Variants in IL1RAPL1 observed in about 807,000 individuals in gnomAD.
IL1RAPL1 encodes interleukin-1 receptor accessory protein-like 1.
IL1RAPL1 carries 3 observed loss-of-function variants against 48.4 expected under a neutral mutation model. That is an observed-to-expected ratio of 0.06 (90% CI 0.03 to 0.16). The LOEUF is 0.16. IL1RAPL1 is among the 10% of genes least tolerant of loss of function. The probability of loss-of-function intolerance (pLI) is 1.00; values close to 1 mark genes in which losing one functional copy is unlikely to be tolerated. For missense variants in IL1RAPL1, 349 were observed against 530.6 expected, an observed-to-expected ratio of 0.66 and a Z score of 3.36; for synonymous variants, 185 against 187.7, an observed-to-expected ratio of 0.99 and a Z score of 0.12.
chrX:29,373,492 T>C (rs1032229404), intron 3 of IL1RAPL1, among the ~76,000 whole-genome samples: 3 of 111,656 alleles, frequency 2.7e-5, no homozygotes, highest in Non-Finnish European at 5.6e-5. Context: ...CTTGTCTTGT[T>C]ACAGTTTCGT....
chrX:29,045,334 G>A (rs1926931272), intron 2 of IL1RAPL1, among the ~76,000 whole-genome samples: 1 of 112,242 alleles, frequency 8.9e-6, no homozygotes, highest in Non-Finnish European at 1.9e-5. Context: ...CCAAAATATG[G>A]TAACTAAATG....
intron 5 of IL1RAPL1, among the ~76,000 whole-genome samples, chrX:29,504,127 G>A (rs915974044): frequency 2.0e-4 from 22 of 110,044 alleles, no homozygotes; most frequent in African/African-American, 6.3e-4. Context: ...GAATTTTTAC[G>A]TGCTTGTGTA....
At chrX:29,425,641 A>G (rs1293558382) in intron 5 of IL1RAPL1, among the ~76,000 whole-genome samples, 1 of 111,292 alleles carries the variant, frequency 9.0e-6, no homozygotes, top group Non-Finnish European at 1.9e-5. Flanking sequence ...GTGCAGTGGC[A>G]TGATTACGGC....
At chrX:29,074,726 A>G (rs1927634434) in intron 2 of IL1RAPL1, among the ~76,000 whole-genome samples, 1 of 112,246 alleles carries the variant, frequency 8.9e-6, no homozygotes, top group Non-Finnish European at 1.9e-5. Flanking sequence ...AACATTACTA[A>G]GTCTGCAGTT....
chrX:29,817,890 A>T lies in IL1RAPL1; in HGVS notation c.779-99574A>T, dbSNP rs188744011. ...ATGGCTTACAGCAGTCCCAGGCATC[A>T]TATCTATATCCAGGAGACAAAGGTA... On this transcript the variant is annotated intron_variant, in intron 6 of 10. Transcript: ENST00000378993. Among the ~76,000 whole-genome samples the T allele has an allele frequency of 4.9e-3, 553 of 111,845 alleles. 2 individuals carry two copies. The highest frequency in any genetic ancestry group is 8.2e-3 in the Non-Finnish European group (436 of 53,112).
intron 6 of IL1RAPL1, among the ~76,000 whole-genome samples, chrX:29,898,974 A>G (rs1300952637): frequency 8.9e-6 from 1 of 111,957 alleles, no homozygotes; most frequent in African/African-American, 3.2e-5. Context: ...CTCCTTGACA[A>G]TCTCTTTTAT....
intron 5 of IL1RAPL1, among the ~76,000 whole-genome samples, chrX:29,407,773 A>G (rs1008646960): frequency 8.9e-6 from 1 of 112,152 alleles, no homozygotes; most frequent in African/African-American, 3.2e-5. Flanking sequence ...GGAGGAGAGA[A>G]GTACTCCAAA....
chrX:29,479,010 A>G (rs370041039), intron 5 of IL1RAPL1, among the ~76,000 whole-genome samples: 1 of 109,919 alleles, frequency 9.1e-6, no homozygotes, highest in Non-Finnish European at 1.9e-5. Flanking sequence ...TTCATTGACT[A>G]TAATATCTGA....
At chrX:29,186,658 A>G (rs1212198277) in intron 2 of IL1RAPL1, among the ~76,000 whole-genome samples, 1 of 111,348 alleles carries the variant, frequency 9.0e-6, no homozygotes, top group African/African-American at 3.3e-5. Context: ...CTGGAGTGTC[A>G]TATCTTTAAT....
chrX:29,509,670 C>G (rs1236928524), intron 5 of IL1RAPL1, among the ~76,000 whole-genome samples: 2 of 108,074 alleles, frequency 1.9e-5, no homozygotes, highest in Admixed American at 9.5e-5. Flanking sequence ...CATGCACACA[C>G]ACGCATGCGC....
intron 5 of IL1RAPL1, among the ~76,000 whole-genome samples, chrX:29,445,931 G>A (rs1056299243): frequency 4.5e-5 from 5 of 111,758 alleles, no homozygotes; most frequent in Admixed American, 1.9e-4. Context: ...TGTTCATTAA[G>A]TATCATTTAT....
intron 2 of IL1RAPL1, among the ~76,000 whole-genome samples, chrX:28,952,352 A>G (rs1924492735): frequency 9.0e-6 from 1 of 111,325 alleles, no homozygotes; most frequent in Admixed American, 9.6e-5. Context: ...TATGTTTATA[A>G]ATTGTAGGGT....
chrX:29,235,683 C>T (rs1255721764), intron 2 of IL1RAPL1, among the ~76,000 whole-genome samples: 1 of 111,936 alleles, frequency 8.9e-6, no homozygotes, highest in Non-Finnish European at 1.9e-5. Flanking sequence ...AAAATTTCAT[C>T]AAATGAGTCT....
chrX:29,280,819 G>A (rs1238114582), intron 2 of IL1RAPL1, among the ~76,000 whole-genome samples: 1 of 111,740 alleles, frequency 8.9e-6, no homozygotes, highest in East Asian at 2.8e-4. Context: ...CAAGTGACCA[G>A]GATGGGAAGG....
rs183026136 is a variant in IL1RAPL1, at chrX:29,894,140, C to T, written c.779-23324C>T. ...ACACAAAATAGTTAATATAATACTT[C>T]GCAGTAAGGGCATTTTGAAAGAACA... is the stretch of plus-strand genomic sequence containing the variant. On this transcript the variant is annotated intron_variant, in intron 6 of 10. Transcript: ENST00000378993. Among the ~76,000 whole-genome samples, 21 of 112,137 alleles carry T rather than the reference C, an allele frequency of 1.9e-4. No individual in the cohort carries two copies. In the East Asian group the frequency reaches 3.6e-3, roughly 19 times the overall value.
chrX:29,676,718 G>T (rs1926297382), intron 6 of IL1RAPL1, among the ~76,000 whole-genome samples: 1 of 110,956 alleles, frequency 9.0e-6, no homozygotes, highest in Admixed American at 9.6e-5. Flanking sequence ...GTAAACAGAG[G>T]AAATTCAGGT....
At chrX:29,858,948 T>C (rs1464905137) in intron 6 of IL1RAPL1, among the ~76,000 whole-genome samples, 2 of 111,181 alleles carry the variant, frequency 1.8e-5, no homozygotes, top group African/African-American at 6.5e-5. Flanking sequence ...TTACCTCCTC[T>C]GCAGCATTGG....
intron 6 of IL1RAPL1, among the ~76,000 whole-genome samples, chrX:29,763,277 CA>C (rs1292132476): frequency 2.7e-5 from 3 of 110,871 alleles, no homozygotes; most frequent in East Asian, 5.6e-4. Flanking sequence ...ATAAATTATG[CA>C]AGTAATAAAT....
intron 5 of IL1RAPL1, among the ~76,000 whole-genome samples, chrX:29,613,621 G>T (rs763596349): frequency 1.8e-5 from 2 of 110,339 alleles, no homozygotes; most frequent in Non-Finnish European, 3.8e-5. Flanking sequence ...TGCTATAAAT[G>T]ATAGATAAAT....
Sources: allele counts gnomAD v4.1 joint callset (sites outside exome capture counted in the v4.1 genomes callset), GRCh38; gene constraint gnomAD v4.1.1; transcripts MANE v1.5; gene names NCBI Gene and HGNC (gene_info 2026-07-23, HGNC 2026-07-21).